The following CHSY3 variants were observed in gnomAD, a reference collection of about 807,000 sequenced individuals.
The protein encoded by CHSY3 is N-acetylgalactosaminyl-proteoglycan 3-beta-glucuronosyltransferase 3.
In CHSY3, 35 loss-of-function variants were observed where a neutral mutation model predicts 67.2. That is an observed-to-expected ratio of 0.52 (90% confidence interval 0.40 to 0.69). The LOEUF is 0.69. Among genes scored for constraint, CHSY3 ranks in the 30% least tolerant of loss-of-function variants. The pLI is 0.00. For missense variants in CHSY3, 1,069 were observed against 1,138.5 expected, an observed-to-expected ratio of 0.94 and a Z score of 0.88; for synonymous variants, 474 against 434.7, an observed-to-expected ratio of 1.09 and a Z score of -1.12.
At chr5:130,133,848 G>A (rs1768572746) in intron 2 of CHSY3, among the ~76,000 whole-genome samples, 2 of 147,436 alleles carry the variant, frequency 1.4e-5, no homozygotes, top group South Asian at 4.3e-4. Flanking sequence ...AAAGAAAACT[G>A]GTTTATGTTT....
chr5:130,036,420 T>C (rs1472440077), intron 2 of CHSY3, among the ~76,000 whole-genome samples: 1 of 152,160 alleles, frequency 6.6e-6, no homozygotes, highest in Non-Finnish European at 1.5e-5. Context: ...TGCACAAAGA[T>C]TGCTTTTGAA....
chr5:130,085,619 C>T (rs1051371577), intron 2 of CHSY3, among the ~76,000 whole-genome samples: 10 of 152,150 alleles, frequency 6.6e-5, no homozygotes, highest in Admixed American at 2.0e-4. Context: ...TTCAGTTCTG[C>T]TCTGATTTTA....
chr5:130,055,723 ACT>A (rs1765510770), intron 2 of CHSY3, among the ~76,000 whole-genome samples: 1 of 151,904 alleles, frequency 6.6e-6, no homozygotes, highest in Admixed American at 6.6e-5. Context: ...TGCTGCTACC[ACT>A]GCCACCGGAA....
At chr5:130,180,682 T>A (rs962580156) in intron 2 of CHSY3, among the ~76,000 whole-genome samples, 1 of 151,854 alleles carries the variant, frequency 6.6e-6, no homozygotes, top group Non-Finnish European at 1.5e-5. Context: ...GTGAGACCCA[T>A]CTCTACAAAA....
chr5:130,136,705 C>G (rs1768676749), intron 2 of CHSY3, among the ~76,000 whole-genome samples: 1 of 152,162 alleles, frequency 6.6e-6, no homozygotes. Flanking sequence ...AGATTTGAAT[C>G]AGAATCTCAT....
At chr5:130,011,863 T>G (rs1764071436) in intron 2 of CHSY3, among the ~76,000 whole-genome samples, 1 of 152,128 alleles carries the variant, frequency 6.6e-6, no homozygotes, top group South Asian at 2.1e-4. Flanking sequence ...CCATTCACAA[T>G]AGCCACAAAA....
intron 2 of CHSY3, among the ~76,000 whole-genome samples, chr5:130,034,600 C>T (rs1176551873): frequency 6.6e-6 from 1 of 152,086 alleles, no homozygotes; most frequent in African/African-American, 2.4e-5. Context: ...CAAAATCCTT[C>T]ACTTCATAGA....
In CHSY3 at chr5:130,186,387, G is replaced by C. The variant is rs1202257366; in HGVS notation, c.*596G>C. On this transcript the variant is annotated 3_prime_UTR_variant, in exon 3 of 3. Transcript: ENST00000305031. The stretch of plus-strand genomic sequence containing the variant: ...AAAGTTTTAAAAATTGAGGAGTTTT[G>C]TTCCACAAGCAACCGGTACTGGCTA... 6.6e-6 allele frequency: 1 copy of C among 150,524 alleles called. No individual in the cohort carries two copies. Among genetic ancestry groups the C allele is most frequent in the Non-Finnish European group, 1.5e-5 (1 of 67,974 alleles). 9.3% of individuals were successfully genotyped at this position (150,524 alleles called of 1,614,324 possible).
chr5:130,065,819 C>G (rs1765865653), intron 2 of CHSY3, among the ~76,000 whole-genome samples: 1 of 152,098 alleles, frequency 6.6e-6, no homozygotes, highest in Non-Finnish European at 1.5e-5. Flanking sequence ...TTTGGTGAGA[C>G]TCCAGTTTAC....
chr5:130,016,797 T>C (rs191409841), intron 2 of CHSY3, among the ~76,000 whole-genome samples: 2 of 152,370 alleles, frequency 1.3e-5, no homozygotes, highest in Non-Finnish European at 2.9e-5. Context: ...GGCATGCGAC[T>C]ATGCTAGGTG....
chr5:129,973,710 C>A (rs1171095929), intron 2 of CHSY3, among the ~76,000 whole-genome samples: 1 of 152,126 alleles, frequency 6.6e-6, no homozygotes, highest in Non-Finnish European at 1.5e-5. Context: ...TGATGAGCTG[C>A]ATCCTCACAG....
At chr5:130,116,788 G>T (rs1767819481) in intron 2 of CHSY3, among the ~76,000 whole-genome samples, 1 of 152,124 alleles carries the variant, frequency 6.6e-6, no homozygotes, top group African/African-American at 2.4e-5. Context: ...TCCAAGCCAA[G>T]CTTATGCAGC....
At chr5:130,163,675 A>G (rs73788426) in intron 2 of CHSY3, among the ~76,000 whole-genome samples, 4 of 152,310 alleles carry the variant, frequency 2.6e-5, no homozygotes, top group South Asian at 4.1e-4. Flanking sequence ...AAATGAAAAA[A>G]TTGTTATTAC....
At chr5:130,059,635 C>G (rs781467044) in intron 2 of CHSY3, among the ~76,000 whole-genome samples, 1 of 152,196 alleles carries the variant, frequency 6.6e-6, no homozygotes, top group South Asian at 2.1e-4. Flanking sequence ...ATAAGAGTCC[C>G]AAGTTCCAGG....
chr5:130,157,193 A>C (rs1327594619), intron 2 of CHSY3, among the ~76,000 whole-genome samples: 1 of 152,214 alleles, frequency 6.6e-6, no homozygotes, highest in Non-Finnish European at 1.5e-5. Flanking sequence ...AAAACCTGTG[A>C]AGATTAATAG....
chr5:129,934,521 G>A (rs2149590724), intron 2 of CHSY3, among the ~76,000 whole-genome samples: 1 of 152,192 alleles, frequency 6.6e-6, no homozygotes, highest in Non-Finnish European at 1.5e-5. Flanking sequence ...GTGTAGTTCT[G>A]TGATTATGAT....
intron 2 of CHSY3, among the ~76,000 whole-genome samples, chr5:129,965,379 CA>C (rs1762442166): frequency 6.6e-6 from 1 of 151,888 alleles, no homozygotes; most frequent in Non-Finnish European, 1.5e-5. Context: ...GCAGAATTTC[CA>C]AATTACATTT....
At chr5:129,910,257 T>A (rs1004830566) in intron 2 of CHSY3, among the ~76,000 whole-genome samples, 3 of 151,980 alleles carry the variant, frequency 2.0e-5, no homozygotes, top group African/African-American at 7.2e-5. Context: ...AATATAACAT[T>A]TTCCATAACT....
intron 2 of CHSY3, among the ~76,000 whole-genome samples, chr5:130,030,065 T>C (rs1764662446): frequency 6.6e-6 from 1 of 152,126 alleles, no homozygotes; most frequent in African/African-American, 2.4e-5. Context: ...TTTAATTTTT[T>C]ATTATTTTCT....
Sources: allele counts gnomAD v4.1 joint callset (sites outside exome capture counted in the v4.1 genomes callset), GRCh38; gene constraint gnomAD v4.1.1; transcripts MANE v1.5; gene names NCBI Gene and HGNC (gene_info 2026-07-23, HGNC 2026-07-21).